The following AHNAK variants were observed in gnomAD, a reference collection of about 807,000 sequenced individuals.
The protein encoded by AHNAK is neuroblast differentiation-associated protein AHNAK.
AHNAK carries 23 observed loss-of-function variants against 37.8 expected under a neutral mutation model. That is an observed-to-expected ratio of 0.61 (90% CI 0.44 to 0.86). The LOEUF (loss-of-function observed/expected upper bound fraction) is 0.86. Among genes scored for constraint, AHNAK ranks in the 40% least tolerant of loss-of-function variants. The pLI is 0.00. For synonymous variants in AHNAK, 2,481 were observed against 2,636.3 expected (o/e 0.94, Z 1.80); for missense variants, 7,411 against 7,319.4 (o/e 1.01, Z -0.46).
intron 4 of AHNAK, among the ~76,000 whole-genome samples, chr11:62,501,813 G>C (rs1767759021): frequency 6.6e-6 from 1 of 152,224 alleles, no homozygotes; most frequent in Non-Finnish European, 1.5e-5. Context: ...GGTGGGGCAG[G>C]CAGGGGGCAT....
At position 62,532,134 on chromosome 11, in the gene AHNAK, C is replaced by A; in HGVS notation, c.2283G>T (p.Gly761=). ...KMKMPKFSVP[G]FKAEGPEVDV... ...CCACTTCTGGGCCCTCTGCTTTGAA[C>A]CCTGGCACACTGAATTTGGGCATTT... Residue 761 remains glycine, a synonymous_variant, in exon 5 of 5, where the codon GGG becomes GGT. Coordinates refer to ENST00000378024, the MANE Select transcript of AHNAK (RefSeq NM_001620.3). 1 of 1,612,710 alleles carries A rather than the reference C, an allele frequency of 6.2e-7. No homozygotes were observed. The highest frequency in any genetic ancestry group is 8.5e-7 in the Non-Finnish European group (1 of 1,179,634).
chr11:62,518,853 G>A lies in AHNAK; in HGVS notation c.15564C>T (p.Gly5188=), dbSNP rs756631972. The change falls in exon 5 of 5, where the codon GGC becomes GGT. Residue 5188 remains glycine, a synonymous_variant. Coordinates refer to ENST00000378024, the MANE Select transcript of AHNAK (RefSeq NM_001620.3). ...GGATGGAGACTTGAGGGGCAGAAAT[G>A]CCGAAGGACGGTGTTTTGACTTTAG... is the stretch of plus-strand genomic sequence containing the variant. ...LDAKVKTPSF[G]ISAPQVSIPD... 4.5e-5 allele frequency: 73 copies of A among 1,614,120 alleles called. No homozygotes were observed. The highest frequency in any genetic ancestry group is 5.9e-5 in the Non-Finnish European group (70 of 1,180,054).
At chr11:62,487,426 A>G (rs1939415218) in intron 5 of AHNAK, among the ~76,000 whole-genome samples, 1 of 152,236 alleles carries the variant, frequency 6.6e-6, no homozygotes, top group Admixed American at 6.5e-5. Flanking sequence ...CATCCAACAC[A>G]ATGAGTTTAT....
rs1266156977 is a variant in AHNAK, at chr11:62,529,307, G to A, written c.5110C>T (p.His1704Tyr). The A allele has an allele frequency of 2.5e-6, 4 of 1,614,090 alleles. No homozygotes were observed. The East Asian group carries it at 8.9e-5, about 36-fold the overall frequency. Residue 1704 changes from histidine (H) to tyrosine (Y), a missense_variant, in exon 5 of 5, where the codon CAC becomes TAC. Coordinates refer to ENST00000378024, the MANE Select transcript of AHNAK (RefSeq NM_001620.3). ...ATTTTCAGGTGCCAATCTGGGTCGT[G>A]AACCTCCACATCTGGGGCATCAATG... ...VDIDAPDVEV[H>Y]DPDWHLKMPK...
At chr11:62,442,885 A>T (rs1159667885) in intron 5 of AHNAK, among the ~76,000 whole-genome samples, 2 of 152,008 alleles carry the variant, frequency 1.3e-5, no homozygotes, top group Admixed American at 1.3e-4. Flanking sequence ...AAAAAGGAAA[A>T]TATTAAACAA....
At chr11:62,450,673 C>G (rs952118412) in intron 5 of AHNAK, among the ~76,000 whole-genome samples, 4 of 152,228 alleles carry the variant, frequency 2.6e-5, no homozygotes, top group Non-Finnish European at 5.9e-5. Flanking sequence ...CTGCTCCCAC[C>G]GTCTCCCTTG....
chr11:62,535,856 C>A (rs1940927866), intron 3 of AHNAK, 89 bp downstream of exon 3: 2 of 1,500,134 alleles, frequency 1.3e-6, no homozygotes, highest in South Asian at 2.5e-5. Flanking sequence ...AGCCACTCAC[C>A]CACTTCTGCC....
At position 62,531,790 on chromosome 11, in the gene AHNAK, T is replaced by G; in HGVS notation, c.2627A>C (p.Lys876Thr). ...CTTGGGCATTTTCATCTTGGGCATC[T>G]TCAGGTGCCAGTCTGGGCCTTGAAC... ...VEVQGPDWHL[K>T]MPKMKMPKFS... Residue 876 changes from lysine to threonine, a missense_variant, in exon 5 of 5, where the codon AAG becomes ACG. By Grantham distance (78) the Lys-to-Thr change is moderately conservative. Transcript: ENST00000378024. 1 of 1,613,670 alleles carries G rather than the reference T, an allele frequency of 6.2e-7. No homozygotes were observed. Among genetic ancestry groups the G allele is most frequent in the South Asian group, 1.1e-5 (1 of 91,052 alleles).
rs1940022428 is a variant in AHNAK, at chr11:62,516,517, T to A, written c.*227A>T. 7.1e-6 allele frequency: 10 copies of A among 1,400,282 alleles called. No homozygotes were observed. The highest frequency in any genetic ancestry group is 9.2e-6 in the Non-Finnish European group (10 of 1,081,810). The allele number at this position is 1,400,282 out of a possible 1,614,324, so 86.7% of individuals were successfully genotyped here. A position where few individuals can be genotyped will look rare whatever the true frequency, so the allele number is the denominator to read the frequency against. ...ATATGAAATCTTAAGGCAAATACTGTTGACTTTGCACATGGGCTGGACGAA... is the reference window on the plus strand; with the variant it reads ...ATATGAAATCTTAAGGCAAATACTGATGACTTTGCACATGGGCTGGACGAA... On this transcript the variant is annotated 3_prime_UTR_variant, in exon 5 of 5. Transcript: ENST00000378024.
chr11:62,539,323 C>T (rs1040698754), intron 1 of AHNAK, among the ~76,000 whole-genome samples: 12 of 152,242 alleles, frequency 7.9e-5, no homozygotes, highest in Admixed American at 7.8e-4. Flanking sequence ...CCAGACACCC[C>T]TGTCCTCCTC....
At position 62,532,688 on chromosome 11, in the gene AHNAK, T is replaced by C. The variant is rs750370543; in HGVS notation, c.1729A>G (p.Asn577Asp). The change falls in exon 5 of 5, where the codon AAT becomes GAT. Residue 577 changes from asparagine to aspartate, a missense_variant. Coordinates refer to ENST00000378024, the MANE Select transcript of AHNAK (RefSeq NM_001620.3). ...CCTTTCACTTTAGGTGCGGCCACATTTAAGTCTACTTCTGACATAGAGATC... is the reference window on the plus strand; with the variant it reads ...CCTTTCACTTTAGGTGCGGCCACATCTAAGTCTACTTCTGACATAGAGATC... ...CRISMSEVDL[N>D]VAAPKVKGGV... 6.2e-7 allele frequency: 1 copy of C among 1,614,026 alleles called. No individual in the cohort carries two copies. The highest frequency in any genetic ancestry group is 8.5e-7 in the Non-Finnish European group (1 of 1,179,998).
At chr11:62,500,242 G>T (rs1029369938) in intron 4 of AHNAK, among the ~76,000 whole-genome samples, 2 of 152,182 alleles carry the variant, frequency 1.3e-5, no homozygotes, top group East Asian at 3.8e-4. Context: ...TAAACGCAAA[G>T]GAATGACTCA....
chr11:62,496,621 C>A (rs1400817103), intron 4 of AHNAK, among the ~76,000 whole-genome samples: 3 of 152,054 alleles, frequency 2.0e-5, no homozygotes, highest in African/African-American at 7.2e-5. Flanking sequence ...ATAGTGAAAC[C>A]CTGTCTCTAC....
Position 62,526,555 on chromosome 11 carries a change from T to C in AHNAK, c.7862A>G (p.Asp2621Gly). 6.2e-7 allele frequency: 1 copy of C among 1,612,652 alleles called. No individual in the cohort carries two copies. The highest frequency in any genetic ancestry group is 1.1e-5 in the South Asian group (1 of 91,018). ...AACACCCACATCTGGGGCATTAATA[T>C]CCACTTTGGGCCCCTTGATGTCAAC... ...PEVDIKGPKV[D>G]INAPDVGVQG... The change falls in exon 5 of 5, where the codon GAT becomes GGT. Residue 2621 changes from aspartate (D) to glycine (G), a missense_variant. Physicochemically the swap from Asp to Gly is moderately conservative, Grantham distance 94. Coordinates refer to ENST00000378024, the MANE Select transcript of AHNAK (RefSeq NM_001620.3).
chr11:62,462,361 CTA>C (rs1259196486), intron 5 of AHNAK, among the ~76,000 whole-genome samples: 13 of 152,166 alleles, frequency 8.5e-5, no homozygotes, highest in African/African-American at 3.1e-4. Context: ...TTTTCTGTCT[CTA>C]TTTGTGAAAG....
In AHNAK at chr11:62,535,180, A is replaced by G. The variant is rs752890577; in HGVS notation, c.165T>C (p.Ile55=). 4 of 1,609,932 alleles carry G rather than the reference A, an allele frequency of 2.5e-6. No homozygotes were observed. In the South Asian group the frequency reaches 4.4e-5, roughly 18 times the overall value. ...TGTCAAAGTAGATGGTGGCACCCAC[A>G]ATCTGGTCCCCTGAGCAGGGAAGAG... ...RTGVVKEGDQ[I]VGATIYFDNL... Residue 55 remains isoleucine (I), a synonymous_variant, in exon 4 of 5, where the codon ATT becomes ATC. Transcript: ENST00000378024.
rs76733731 is a variant in AHNAK at position 62,519,007 on chromosome 11, T to C, written c.15410A>G (p.Lys5137Arg). 3 of 1,614,056 alleles carry C rather than the reference T, an allele frequency of 1.9e-6. No individual in the cohort carries two copies. The Admixed American group carries it at 5.0e-5, about 27-fold the overall frequency. The change falls in exon 5 of 5, where the codon AAG becomes AGG. Residue 5137 changes from lysine (K) to arginine (R), a missense_variant. By Grantham distance (26) the Lys-to-Arg change is conservative. Transcript: ENST00000378024. ...PAIHVEGLDI[K>R]AKAPKVKMPD... ...CATCTTGACCTTGGGAGCCTTCGCC[T>C]TGATGTCAAGACCTTCGACGTGAAT...
intron 5 of AHNAK, among the ~76,000 whole-genome samples, chr11:62,479,773 G>A (rs552770592): frequency 1.3e-5 from 2 of 152,246 alleles, no homozygotes; most frequent in East Asian, 3.9e-4. Context: ...TCTCTTTCCA[G>A]AACCGGCTCT....
chr11:62,463,728 T>TTTGG (rs934075851), intron 5 of AHNAK, among the ~76,000 whole-genome samples: 1 of 151,928 alleles, frequency 6.6e-6, no homozygotes, highest in African/African-American at 2.4e-5. Flanking sequence ...TTTTTGTTTG[T>TTTGG]TTGGTTGGTT....
Sources: gnomAD v4.1 joint callset for allele counts (sites outside exome capture counted in the v4.1 genomes callset) on GRCh38, gnomAD v4.1.1 for gene constraint, MANE v1.5 for transcripts, NCBI Gene and HGNC (gene_info 2026-07-23, HGNC 2026-07-21) for gene names.